The following MSH3 variants were observed in gnomAD, a reference collection of about 807,000 sequenced individuals.
The protein encoded by MSH3 is mutS homolog 3.
Under a neutral mutation model 123.3 loss-of-function variants are expected in MSH3, and 106 were observed. The observed-to-expected ratio is 0.86, with a 90% confidence interval of 0.73 to 1.01. The LOEUF (loss-of-function observed/expected upper bound fraction) is 1.01, where lower values mean the gene tolerates loss of function less well. Among genes scored for constraint, MSH3 ranks in the 50% least tolerant of loss-of-function variants. MSH3 has a pLI of 0.00. For synonymous variants in MSH3, 515 were observed against 481.4 expected (o/e 1.07, Z -0.91); for missense variants, 1,459 against 1,347.6 (o/e 1.08, Z -1.29).
intron 8 of MSH3, among the ~76,000 whole-genome samples, chr5:80,683,473 T>C (rs1212566364): frequency 6.6e-6 from 1 of 152,206 alleles, no homozygotes; most frequent in Non-Finnish European, 1.5e-5. Context: ...TGTTGAGAGC[T>C]TTTCACATAC....
chr5:80,756,407 C>G (rs1169780358), intron 12 of MSH3, among the ~76,000 whole-genome samples: 1 of 152,190 alleles, frequency 6.6e-6, no homozygotes, highest in African/African-American at 2.4e-5. Flanking sequence ...AAACAGCTTT[C>G]TAACTGGTAT....
At chr5:80,798,654 T>C (rs992742042) in intron 19 of MSH3, among the ~76,000 whole-genome samples, 17 of 152,220 alleles carry the variant, frequency 1.1e-4, no homozygotes, top group African/African-American at 3.9e-4. Flanking sequence ...TGGATTAAAA[T>C]TCTAGGAAAC....
At chr5:80,842,683 GTACAC>G (rs768139290) in intron 20 of MSH3, among the ~76,000 whole-genome samples, 48 of 152,134 alleles carry the variant, frequency 3.2e-4, no homozygotes, top group Non-Finnish European at 1.8e-4. Context: ...GTGAATGGGA[GTACAC>G]TCATGATTTG....
chr5:80,841,474 C>T (rs1034589002), intron 20 of MSH3, among the ~76,000 whole-genome samples: 41 of 152,210 alleles, frequency 2.7e-4, no homozygotes, highest in Non-Finnish European at 4.7e-4. Context: ...CTTGAGGAAT[C>T]GCCACACTGT....
chr5:80,694,743 A>C (rs1005362302), intron 8 of MSH3, among the ~76,000 whole-genome samples: 1 of 151,982 alleles, frequency 6.6e-6, no homozygotes, highest in African/African-American at 2.4e-5. Context: ...TTTGCCAGGC[A>C]TGGGATTCTG....
chr5:80,679,093 GGTAA>G lies in MSH3; in HGVS notation c.1340+3_1340+6del. 6.2e-7 allele frequency: 1 copy of G among 1,613,824 alleles called. No individual in the cohort carries two copies. Among genetic ancestry groups the G allele is most frequent in the South Asian group, 1.1e-5 (1 of 91,060 alleles). On this transcript the variant is annotated splice_donor_variant and splice_donor_region_variant and intron_variant, in intron 8 of 23. Coordinates refer to ENST00000265081, the MANE Select transcript of MSH3 (RefSeq NM_002439.5). LOFTEE classifies it high-confidence loss of function. ...CTCATCCACAGAGCCACATCTGTTA[GGTAA>G]GTTGGCACATCACTGGAATATAATA...
intron 20 of MSH3, among the ~76,000 whole-genome samples, chr5:80,825,541 A>G (rs1015574510): frequency 4.6e-5 from 7 of 151,542 alleles, no homozygotes; most frequent in African/African-American, 1.5e-4. Context: ...ATAAACAGTC[A>G]TATTTGTGAC....
rs1750738148 is a variant in MSH3, at chr5:80,706,955, A to G, written c.1341-18498A>G. On this transcript the variant is annotated intron_variant, in intron 8 of 23. Transcript: ENST00000265081. Reference sequence around the variant, plus strand: ...TTTGACAGATACACACATCAATATAACTACCACCCAAATTAAGATCTAGAA... The same window carrying G: ...TTTGACAGATACACACATCAATATAGCTACCACCCAAATTAAGATCTAGAA... Among the ~76,000 whole-genome samples the G allele has an allele frequency of 2.0e-5, 3 of 152,240 alleles. No homozygotes were observed. In the South Asian group the frequency reaches 6.2e-4, roughly 31 times the overall value.
intron 17 of MSH3, among the ~76,000 whole-genome samples, chr5:80,780,317 C>T (rs1204669297): frequency 6.6e-6 from 1 of 152,226 alleles, no homozygotes; most frequent in Non-Finnish European, 1.5e-5. Flanking sequence ...GGAACCAGCT[C>T]TAGACCACCA....
chr5:80,845,599 T>C (rs1290095186), intron 20 of MSH3, among the ~76,000 whole-genome samples: 2 of 152,194 alleles, frequency 1.3e-5, no homozygotes, highest in Non-Finnish European at 2.9e-5. Context: ...TTTGTTGATT[T>C]CTTTTCACTC....
intron 8 of MSH3, among the ~76,000 whole-genome samples, chr5:80,719,653 AC>A (rs1351391204): frequency 6.6e-6 from 1 of 152,200 alleles, no homozygotes; most frequent in Admixed American, 6.5e-5. Flanking sequence ...TAAAGGTCTT[AC>A]GTTTCTTCCC....
In MSH3 at chr5:80,854,206, A is replaced by C. The variant is rs1261210128; in HGVS notation, c.2890A>C (p.Arg964=). 6.2e-6 allele frequency: 10 copies of C among 1,613,860 alleles called. No homozygotes were observed. The South Asian group carries it at 1.1e-4, about 18-fold the overall frequency. Residue 964 remains arginine, a synonymous_variant, in exon 21 of 24, where the codon AGA becomes CGA. Coordinates refer to ENST00000265081, the MANE Select transcript of MSH3 (RefSeq NM_002439.5). ...ACTGACTGACACAGCAGAAATAATCAGAAAAGCAACATCACAGTCCTTGGT... is the reference window on the plus strand; with the variant it reads ...ACTGACTGACACAGCAGAAATAATCCGAAAAGCAACATCACAGTCCTTGGT... ...EELTDTAEII[R]KATSQSLVIL...
intron 20 of MSH3, among the ~76,000 whole-genome samples, chr5:80,852,241 C>A (rs889982301): frequency 6.6e-6 from 1 of 152,168 alleles, no homozygotes; most frequent in East Asian, 1.9e-4. Flanking sequence ...TGGGCACTCG[C>A]TTGAGCCTGG....
intron 2 of MSH3, among the ~76,000 whole-genome samples, chr5:80,664,412 A>G (rs1482886777): frequency 6.6e-6 from 1 of 152,018 alleles, no homozygotes; most frequent in African/African-American, 2.4e-5. Context: ...CCTGGAGGGG[A>G]GTAGGAGTGC....
chr5:80,863,410 C>A lies in MSH3; in HGVS notation c.3001-1403C>A, dbSNP rs541702523. 3.3e-5 allele frequency among the ~76,000 whole-genome samples: 5 copies of A among 152,210 alleles called. No individual in the cohort carries two copies. In the South Asian group the frequency reaches 1.0e-3, roughly 32 times the overall value. ...GTTTGGCCGGGTGCAGTGGCTCACA[C>A]CTGTAATCCCAGCACTCTGGGAGGC... On this transcript the variant is annotated intron_variant, in intron 21 of 23. Transcript: ENST00000265081.
At chr5:80,658,241 TAG>T (rs1356500107) in intron 2 of MSH3, among the ~76,000 whole-genome samples, 1 of 142,810 alleles carries the variant, frequency 7.0e-6, no homozygotes, top group Non-Finnish European at 1.6e-5. Context: ...GTATTTTTAG[TAG>T]AGTCAGAGTT....
At chr5:80,768,488 G>C (rs1209720406) in intron 14 of MSH3, among the ~76,000 whole-genome samples, 1 of 152,086 alleles carries the variant, frequency 6.6e-6, no homozygotes, top group African/African-American at 2.4e-5. Flanking sequence ...TAAAAGCAAA[G>C]TTATCCTTTA....
chr5:80,743,518 G>A (rs2112868179), intron 11 of MSH3, among the ~76,000 whole-genome samples: 1 of 152,204 alleles, frequency 6.6e-6, no homozygotes, highest in East Asian at 1.9e-4. Flanking sequence ...TCTGGAAGTA[G>A]CTACTTACAG....
At position 80,768,083 on chromosome 5, in the gene MSH3, G is replaced by A. The variant is rs2112884524; in HGVS notation, c.2047G>A (p.Glu683Lys). 1 of 1,613,682 alleles carries A rather than the reference G, an allele frequency of 6.2e-7. No individual in the cohort carries two copies. Among genetic ancestry groups the A allele is most frequent in the Non-Finnish European group, 8.5e-7 (1 of 1,179,716 alleles). The stretch of plus-strand genomic sequence containing the variant: ...AATTCCTGAACTCCTCAGTCCAGTG[G>A]AGCATTACTTAAAGATACTCAATGA... ...LEIPELLSPV[E>K]HYLKILNEQA... The change falls in exon 14 of 24, where the codon GAG becomes AAG. Residue 683 changes from glutamate (E) to lysine (K), a missense_variant. By Grantham distance (56) the Glu-to-Lys change is moderately conservative. Coordinates refer to ENST00000265081, the MANE Select transcript of MSH3 (RefSeq NM_002439.5).
Sources: gnomAD v4.1 joint callset for allele counts (sites outside exome capture counted in the v4.1 genomes callset) on GRCh38, gnomAD v4.1.1 for gene constraint, MANE v1.5 for transcripts, NCBI Gene and HGNC (gene_info 2026-07-23, HGNC 2026-07-21) for gene names.